Variants in CNTN4 observed in about 807,000 individuals in gnomAD.
CNTN4 encodes the protein contactin-4.
CNTN4 carries 77 observed loss-of-function variants against 122.5 expected under a neutral mutation model. The ratio of observed to expected loss-of-function variants is 0.63; its 90% CI spans 0.52 to 0.76. The LOEUF (loss-of-function observed/expected upper bound fraction) is 0.76. Ranked by LOEUF, CNTN4 falls within the 30% of genes least tolerant of loss-of-function variation. The pLI is 0.00. For missense variants in CNTN4, 1,256 were observed against 1,259.1 expected (o/e 1.00, Z 0.04); for synonymous variants, 512 against 447.0 (o/e 1.15, Z -1.83).
At chr3:2,200,480 G>A (rs560192069) in intron 2 of CNTN4, among the ~76,000 whole-genome samples, 1 of 152,148 alleles carries the variant, frequency 6.6e-6, no homozygotes, top group East Asian at 1.9e-4. Flanking sequence ...AGGGGGAGGG[G>A]TTCTATTACT....
At chr3:2,807,960 A>C (rs1416853440) in intron 6 of CNTN4, among the ~76,000 whole-genome samples, 2 of 152,206 alleles carry the variant, frequency 1.3e-5, no homozygotes, top group African/African-American at 4.8e-5. Context: ...ACATCGATCT[A>C]GTTTCATTTG....
intron 2 of CNTN4, among the ~76,000 whole-genome samples, chr3:2,256,967 G>C (rs1478908953): frequency 6.6e-6 from 1 of 152,120 alleles, no homozygotes. Flanking sequence ...CCAAAAAAGA[G>C]CCTGTATAGC....
chr3:2,652,120 G>T (rs896953642), intron 4 of CNTN4, among the ~76,000 whole-genome samples: 1 of 151,390 alleles, frequency 6.6e-6, no homozygotes, highest in Non-Finnish European at 1.5e-5. Context: ...TTTTTCGATT[G>T]CTGAGGCAGG....
intron 2 of CNTN4, among the ~76,000 whole-genome samples, chr3:2,114,048 C>T (rs184578196): frequency 1.4e-4 from 21 of 152,202 alleles, no homozygotes; most frequent in African/African-American, 4.8e-4. Context: ...ACTCAAATTA[C>T]AGTGTGATGT....
intron 4 of CNTN4, among the ~76,000 whole-genome samples, chr3:2,701,207 A>G (rs1449457115): frequency 1.3e-5 from 2 of 152,114 alleles, no homozygotes; most frequent in Non-Finnish European, 2.9e-5. Flanking sequence ...TCCTTGCCCC[A>G]CTTAGCATCT....
At chr3:2,303,940 A>G (rs1270839978) in intron 2 of CNTN4, among the ~76,000 whole-genome samples, 1 of 152,076 alleles carries the variant, frequency 6.6e-6, no homozygotes, top group Non-Finnish European at 1.5e-5. Context: ...TTGTGTCACA[A>G]TAGATTATCA....
chr3:2,914,955 C>T (rs549370799), intron 12 of CNTN4, among the ~76,000 whole-genome samples: 125 of 152,318 alleles, frequency 8.2e-4, no homozygotes, highest in African/African-American at 2.8e-3. Context: ...ACCTGAAATG[C>T]AAAGATGGCT....
At chr3:2,126,221 T>C (rs1447707950) in intron 2 of CNTN4, among the ~76,000 whole-genome samples, 1 of 152,102 alleles carries the variant, frequency 6.6e-6, no homozygotes, top group African/African-American at 2.4e-5. Flanking sequence ...TGTGATAGGA[T>C]GGGAAATTAA....
chr3:2,160,300 G>A (rs1053041804), intron 2 of CNTN4, among the ~76,000 whole-genome samples: 1 of 152,116 alleles, frequency 6.6e-6, no homozygotes, highest in Non-Finnish European at 1.5e-5. Flanking sequence ...CTAAATAGGA[G>A]AGGTCTCTTG....
intron 2 of CNTN4, among the ~76,000 whole-genome samples, chr3:2,138,097 C>T (rs1285238451): frequency 6.7e-6 from 1 of 148,178 alleles, no homozygotes; most frequent in Non-Finnish European, 1.5e-5. Flanking sequence ...GACGGAGTCT[C>T]GCTCTGTTGC....
chr3:2,276,211 T>C (rs1157478128), intron 2 of CNTN4, among the ~76,000 whole-genome samples: 2 of 152,054 alleles, frequency 1.3e-5, no homozygotes, highest in Non-Finnish European at 2.9e-5. Context: ...CTCACTCTGC[T>C]GCCCAGGCTG....
At chr3:2,594,394 A>T (rs2080657563) in intron 4 of CNTN4, among the ~76,000 whole-genome samples, 1 of 150,800 alleles carries the variant, frequency 6.6e-6, no homozygotes, top group Admixed American at 6.7e-5. Flanking sequence ...TAACTGGTTA[A>T]CCAGGGTATA....
chr3:2,651,787 C>T (rs2083372909), intron 4 of CNTN4, among the ~76,000 whole-genome samples: 2 of 151,430 alleles, frequency 1.3e-5, no homozygotes, highest in South Asian at 2.1e-4. Flanking sequence ...ACTGCAACCT[C>T]CACCTCCCTG....
chr3:2,351,624 C>T lies in CNTN4; in HGVS notation c.-89+12391C>T, dbSNP rs368121008. 9.2e-5 allele frequency among the ~76,000 whole-genome samples: 14 copies of T among 152,220 alleles called. No individual in the cohort carries two copies. The South Asian group carries it at 1.9e-3, about 20-fold the overall frequency. Reference sequence around the variant, plus strand: ...CAGAGCGTGATTTCTTCACGCTACTCGGAATGGTGTAGAATTTAAAACTTA... The same window carrying T: ...CAGAGCGTGATTTCTTCACGCTACTTGGAATGGTGTAGAATTTAAAACTTA... On this transcript the variant is annotated intron_variant, in intron 3 of 24. Coordinates refer to ENST00000418658, the MANE Select transcript of CNTN4 (RefSeq NM_175607.3).
chr3:2,846,071 T>C (rs1323249822), intron 7 of CNTN4, among the ~76,000 whole-genome samples: 2 of 152,190 alleles, frequency 1.3e-5, no homozygotes, highest in Non-Finnish European at 1.5e-5. Context: ...AAATGCTGAA[T>C]ATTGGATTCT....
At chr3:2,712,885 A>G (rs762480897) in intron 4 of CNTN4, among the ~76,000 whole-genome samples, 1 of 152,232 alleles carries the variant, frequency 6.6e-6, no homozygotes, top group African/African-American at 2.4e-5. Context: ...AGCTGAACCC[A>G]TGGAGGATCC....
Position 2,598,817 on chromosome 3 carries a change from G to T in CNTN4, c.55+27259G>T, listed in dbSNP as rs1178189561. Among the ~76,000 whole-genome samples, 246 of 152,264 alleles carry T rather than the reference G, an allele frequency of 1.6e-3. 1 individual carries two copies. Among genetic ancestry groups the T allele is most frequent in the African/African-American group, 4.9e-3 (205 of 41,562 alleles). ...AAATGTCCCTCCAACATATATACAT[G>T]AAAGGGGTATTAAAGATCCACTCTC... On this transcript the variant is annotated intron_variant, in intron 4 of 24. Transcript: ENST00000418658.
chr3:2,258,512 C>T (rs925148925), intron 2 of CNTN4, among the ~76,000 whole-genome samples: 4 of 151,878 alleles, frequency 2.6e-5, no homozygotes, highest in African/African-American at 9.7e-5. Context: ...AATATATTAA[C>T]ATTAGCTATT....
intron 6 of CNTN4, among the ~76,000 whole-genome samples, chr3:2,802,912 G>A (rs1042147757): frequency 1.1e-4 from 17 of 152,124 alleles, no homozygotes; most frequent in African/African-American, 3.4e-4. Context: ...GGATAAAGAC[G>A]AGTTTCTTAA....
Sources: allele counts gnomAD v4.1 joint callset (sites outside exome capture counted in the v4.1 genomes callset), GRCh38; gene constraint gnomAD v4.1.1; transcripts MANE v1.5; gene names NCBI Gene and HGNC (gene_info 2026-07-23, HGNC 2026-07-21).